RANBP2: variants seen among roughly 807,000 people sequenced by gnomAD.
RANBP2 encodes E3 SUMO-protein ligase RanBP2.
In RANBP2, 57 loss-of-function variants were observed where a neutral mutation model predicts 303.6. The ratio of observed to expected loss-of-function variants is 0.19; its 90% CI spans 0.15 to 0.23. The LOEUF is 0.23. Among genes scored for constraint, RANBP2 ranks in the 10% least tolerant of loss-of-function variants. RANBP2 has a pLI of 1.00. For synonymous variants in RANBP2, 1,167 were observed against 1,301.5 expected (o/e 0.90, Z 2.23); for missense variants, 3,138 against 3,780.8 (o/e 0.83, Z 4.46).
the RANBP2 span, among the ~76,000 whole-genome samples, chr2:108,873,223 G>C: frequency 6.6e-6 from 1 of 152,044 alleles, no homozygotes; most frequent in African/African-American, 2.4e-5. Context: ...TTGCCTAATA[G>C]GAATTTAATA....
chr2:109,494,872 C>G, the RANBP2 span, among the ~76,000 whole-genome samples: 1 of 152,176 alleles, frequency 6.6e-6, no homozygotes, highest in African/African-American at 2.4e-5. Flanking sequence ...CTGCTCTCCT[C>G]TCCACTCTCA....
the RANBP2 span, among the ~76,000 whole-genome samples, chr2:109,217,989 A>G: frequency 6.6e-6 from 1 of 152,126 alleles, no homozygotes; most frequent in African/African-American, 2.4e-5. Flanking sequence ...GCCTTCCCAC[A>G]GGTGTGCGGA....
chr2:109,761,010 G>T, the RANBP2 span, among the ~76,000 whole-genome samples: 3 of 136,708 alleles, frequency 2.2e-5, no homozygotes, highest in African/African-American at 8.4e-5. Context: ...CCCCAGCCCA[G>T]GGACTGGTGA....
the RANBP2 span, chr2:109,449,374 C>G: frequency 6.2e-7 from 1 of 1,611,002 alleles, no homozygotes; most frequent in Non-Finnish European, 8.5e-7. Context: ...ATCACACCTC[C>G]CAACGTCAGT....
the RANBP2 span, among the ~76,000 whole-genome samples, chr2:109,434,490 A>G: frequency 6.6e-6 from 1 of 152,152 alleles, no homozygotes; most frequent in African/African-American, 2.4e-5. Flanking sequence ...GCAACTCCTG[A>G]CGTGTGTCAG....
the RANBP2 span, among the ~76,000 whole-genome samples, chr2:108,994,197 A>G: frequency 1.3e-5 from 2 of 152,238 alleles, no homozygotes; most frequent in African/African-American, 2.4e-5. Context: ...ACAGCTGTCA[A>G]TAATGACTCT....
the RANBP2 span, among the ~76,000 whole-genome samples, chr2:108,932,454 G>A: frequency 4.6e-5 from 7 of 150,902 alleles, no homozygotes; most frequent in Admixed American, 1.3e-4. Context: ...GCATGAACCC[G>A]GGAGGCGGAG....
the RANBP2 span, among the ~76,000 whole-genome samples, chr2:109,188,762 G>A: frequency 1.1e-4 from 16 of 152,176 alleles, no homozygotes; most frequent in Non-Finnish European, 2.1e-4. Flanking sequence ...CACCATCGCA[G>A]AAGCCAAGCG....
chr2:108,988,134 C>T, the RANBP2 span, among the ~76,000 whole-genome samples: 5 of 152,318 alleles, frequency 3.3e-5, no homozygotes, highest in Non-Finnish European at 5.9e-5. Context: ...GCCCACTGAC[C>T]GGCATCTGCC....
At chr2:109,668,927 TA>T in the RANBP2 span, among the ~76,000 whole-genome samples, 160 of 152,268 alleles carry the variant, frequency 1.1e-3, 1 homozygote, top group Middle Eastern at 6.8e-3. Flanking sequence ...ATGGGAAGGA[TA>T]AAGCTGGAGT....
At chr2:108,800,451 G>T in the RANBP2 span, among the ~76,000 whole-genome samples, 1 of 151,788 alleles carries the variant, frequency 6.6e-6, no homozygotes, top group Non-Finnish European at 1.5e-5. Context: ...TTTTAGTAGG[G>T]ACGGGGTTTC....
chr2:109,513,192 C>T, the RANBP2 span, among the ~76,000 whole-genome samples: 1 of 152,158 alleles, frequency 6.6e-6, no homozygotes, highest in Non-Finnish European at 1.5e-5. Flanking sequence ...AAAGCACCTG[C>T]ACAGTAGACC....
chr2:109,574,701 A>T, the RANBP2 span: 1 of 1,608,034 alleles, frequency 6.2e-7, no homozygotes, highest in African/African-American at 1.3e-5. Context: ...GAGAACGCTT[A>T]ATCTTCAGTT....
chr2:108,924,045 G>C, the RANBP2 span, among the ~76,000 whole-genome samples: 1 of 152,264 alleles, frequency 6.6e-6, no homozygotes. Context: ...CAACCAGGTT[G>C]TAAGTGCCTC....
the RANBP2 span, among the ~76,000 whole-genome samples, chr2:108,847,688 T>C: frequency 6.6e-6 from 1 of 152,220 alleles, no homozygotes; most frequent in Admixed American, 6.5e-5. Flanking sequence ...TATACCATCT[T>C]TCTGTCTTCC....
the RANBP2 span, among the ~76,000 whole-genome samples, chr2:109,598,205 T>C: frequency 1.4e-4 from 22 of 152,084 alleles, no homozygotes; most frequent in Admixed American, 1.4e-3. Context: ...GTAGCTAGGA[T>C]TACAGGCATG....
At chr2:109,379,232 A>G in the RANBP2 span, among the ~76,000 whole-genome samples, 1 of 152,216 alleles carries the variant, frequency 6.6e-6, no homozygotes, top group Non-Finnish European at 1.5e-5. Flanking sequence ...TTAGCCAGTG[A>G]TGCTTTAGGA....
chr2:109,503,434 A>T, the RANBP2 span: 1 of 152,154 alleles, frequency 6.6e-6, no homozygotes, highest in Non-Finnish European at 1.5e-5. Context: ...GGCGGGGGTC[A>T]TGCCTTTCCC....
chr2:108,764,078 A>G lies in RANBP2; in HGVS notation c.3539A>G (p.Asp1180Gly). Residue 1180 changes from aspartate to glycine, a missense_variant, in exon 20 of 29, where the codon GAT (aspartate) becomes GGT (glycine). Asp to Gly is a moderately conservative substitution (Grantham distance 94, BLOSUM62 -1). Around this residue, in one of 20 missense-constraint regions of RANBP2, gnomAD observed 403 missense variants for 376.7 expected, o/e 1.07. Coordinates refer to ENST00000283195, the MANE Select transcript of RANBP2 (RefSeq NM_006267.5). The part of the protein sequence containing the change: ...PHFEPVVPLP[D>G]KIEVKTGEED... ...TTTGAGCCTGTAGTACCTCTTCCTG[A>G]TAAGATTGAAGTAAAAACTGGTGAG... 1.2e-6 allele frequency: 2 copies of G among 1,614,116 alleles called. No homozygotes were observed. The highest frequency in any genetic ancestry group is 1.3e-5 in the African/African-American group (1 of 75,028).
Sources: gnomAD v4.1 joint callset for allele counts (sites outside exome capture counted in the v4.1 genomes callset) on GRCh38, gnomAD v4.1.1 for gene constraint, gnomAD v4.1.1 regional missense constraint, MANE v1.5 for transcripts, NCBI Gene and HGNC (gene_info 2026-07-23, HGNC 2026-07-21) for gene names.